LINGO2: variants seen among roughly 807,000 people sequenced by gnomAD.
The protein encoded by LINGO2 is leucine-rich repeat and immunoglobulin-like domain-containing nogo receptor-interacting protein 2.
In LINGO2, 14 loss-of-function variants were observed where a neutral mutation model predicts 30.6. The observed-to-expected ratio is 0.46, with a 90% CI of 0.30 to 0.72. The LOEUF (loss-of-function observed/expected upper bound fraction) is 0.72. Ranked by LOEUF, LINGO2 falls within the 30% of genes least tolerant of loss-of-function variation. The probability of loss-of-function intolerance (pLI) is 0.07; values close to 1 mark genes in which losing one functional copy is unlikely to be tolerated. For missense variants in LINGO2, 729 were observed against 751.7 expected (o/e 0.97, Z 0.35); for synonymous variants, 317 against 288.5 (o/e 1.10, Z -1.00).
chr9:28,027,225 C>T (rs1242425896), intron 4 of LINGO2, among the ~76,000 whole-genome samples: 7 of 152,116 alleles, frequency 4.6e-5, no homozygotes, highest in Non-Finnish European at 5.9e-5. Flanking sequence ...TTACACATAT[C>T]GATGTATTTA....
chr9:28,884,837 GTA>G, the LINGO2 span, among the ~76,000 whole-genome samples: 1 of 134,854 alleles, frequency 7.4e-6, no homozygotes. Flanking sequence ...TTTAGCAATT[GTA>G]TATATATACA....
At chr9:28,191,103 A>C (rs529083127) in intron 4 of LINGO2, among the ~76,000 whole-genome samples, 1 of 152,308 alleles carries the variant, frequency 6.6e-6, no homozygotes, top group Non-Finnish European at 1.5e-5. Context: ...CCAGTCCCAA[A>C]TCATATTTTC....
chr9:28,505,734 T>A (rs1029830617), intron 1 of LINGO2, among the ~76,000 whole-genome samples: 1 of 151,936 alleles, frequency 6.6e-6, no homozygotes, highest in Non-Finnish European at 1.5e-5. Context: ...TTGTAAACCC[T>A]AATTCCGAGG....
chr9:28,108,047 A>G (rs958627179), intron 4 of LINGO2, among the ~76,000 whole-genome samples: 4 of 152,150 alleles, frequency 2.6e-5, no homozygotes, highest in Non-Finnish European at 1.5e-5. Context: ...ATGCTCAGAC[A>G]CAAATGGAAG....
At chr9:28,103,923 G>C (rs1826491615) in intron 4 of LINGO2, among the ~76,000 whole-genome samples, 1 of 152,230 alleles carries the variant, frequency 6.6e-6, no homozygotes, top group Non-Finnish European at 1.5e-5. Flanking sequence ...CTGGAACTAT[G>C]TTGACTTATA....
chr9:28,924,913 C>A, the LINGO2 span, among the ~76,000 whole-genome samples: 552 of 152,226 alleles, frequency 3.6e-3, 2 homozygotes, highest in African/African-American at 0.013. Flanking sequence ...ATAAAGATAG[C>A]CACCCCTTCT....
chr9:28,436,953 G>A (rs1375679567), intron 2 of LINGO2, among the ~76,000 whole-genome samples: 1 of 152,128 alleles, frequency 6.6e-6, no homozygotes, highest in Non-Finnish European at 1.5e-5. Flanking sequence ...TTTTAATAAA[G>A]GAAAGGGGCC....
chr9:28,235,605 C>T lies in LINGO2; in HGVS notation c.-87+59603G>A, dbSNP rs559412645. ...AAAGAAATTCCAGATAACGCAGAGA[C>T]GAAATTCAGAATTCTACCAGATAAA... On this transcript the variant is annotated intron_variant, in intron 4 of 5. Coordinates refer to ENST00000379992, the Ensembl canonical transcript of LINGO2. Among the ~76,000 whole-genome samples the T allele has an allele frequency of 2.2e-4, 33 of 152,082 alleles. No homozygotes were observed. In the South Asian group the frequency reaches 3.9e-3, roughly 18 times the overall value.
At chr9:28,455,128 T>A (rs769044623) in intron 2 of LINGO2, among the ~76,000 whole-genome samples, 1 of 152,034 alleles carries the variant, frequency 6.6e-6, no homozygotes, top group Non-Finnish European at 1.5e-5. Context: ...GTTTGTCTTG[T>A]AGGAAAAATC....
At chr9:28,630,302 T>C (rs1025234755) in intron 1 of LINGO2, among the ~76,000 whole-genome samples, 1 of 152,124 alleles carries the variant, frequency 6.6e-6, no homozygotes, top group Non-Finnish European at 1.5e-5. Flanking sequence ...TTCAGGATTA[T>C]AGCATACGTT....
At chr9:28,487,861 T>C (rs905444278) in intron 1 of LINGO2, among the ~76,000 whole-genome samples, 3 of 152,176 alleles carry the variant, frequency 2.0e-5, no homozygotes, top group Non-Finnish European at 4.4e-5. Context: ...GCCAAGATGC[T>C]CTCAGTCAAC....
Position 28,396,533 on chromosome 9 carries a change from T to A in LINGO2, c.-278-23665A>T, listed in dbSNP as rs560406855. Among the ~76,000 whole-genome samples the A allele has an allele frequency of 2.0e-5, 3 of 151,338 alleles. No individual in the cohort carries two copies. In the South Asian group the frequency reaches 6.3e-4, roughly 32 times the overall value. On this transcript the variant is annotated intron_variant, in intron 2 of 5. Coordinates refer to ENST00000379992, the Ensembl canonical transcript of LINGO2. ...TCCAGGCTAACGTGGTGAAACCCCG[T>A]CTCTACTAAAAATACAAAAAATTAG... is the stretch of plus-strand genomic sequence containing the variant.
At chr9:28,494,970 G>T (rs1482726770) in intron 1 of LINGO2, among the ~76,000 whole-genome samples, 2 of 152,180 alleles carry the variant, frequency 1.3e-5, no homozygotes, top group Non-Finnish European at 2.9e-5. Flanking sequence ...GATGGCCAGT[G>T]ATGATGAGCA....
intron 1 of LINGO2, among the ~76,000 whole-genome samples, chr9:28,530,510 C>G (rs1036673779): frequency 6.6e-6 from 1 of 152,144 alleles, no homozygotes. Context: ...CGGCCCCATG[C>G]ACAGGTTGAC....
intron 4 of LINGO2, among the ~76,000 whole-genome samples, chr9:28,235,959 GA>G (rs1302311168): frequency 2.0e-5 from 3 of 152,048 alleles, no homozygotes; most frequent in African/African-American, 7.2e-5. Context: ...GGAAAGGTAA[GA>G]ACGTTCAAAT....
In LINGO2 at chr9:28,485,225, T is replaced by C. The variant is rs554850632; in HGVS notation, c.-364-9200A>G. Reference sequence around the variant, plus strand: ...TTCAATAAAAAGCTGAGAAAAGTGCTTCAGCAGTTCCTCCAGTCTTCCTAC... The same window carrying C: ...TTCAATAAAAAGCTGAGAAAAGTGCCTCAGCAGTTCCTCCAGTCTTCCTAC... On this transcript the variant is annotated intron_variant, in intron 1 of 5. Transcript: ENST00000379992. 2.6e-5 allele frequency among the ~76,000 whole-genome samples: 4 copies of C among 152,260 alleles called. No individual in the cohort carries two copies. The East Asian group carries it at 7.7e-4, about 29-fold the overall frequency.
At chr9:29,188,841 G>A in the LINGO2 span, among the ~76,000 whole-genome samples, 350 of 125,416 alleles carry the variant, frequency 2.8e-3, 19 homozygotes, top group African/African-American at 9.5e-3. Context: ...TGACCCCCCC[G>A]CCACCTTCCT....
chr9:28,504,297 T>C (rs10968625), intron 1 of LINGO2, among the ~76,000 whole-genome samples: 1 of 151,726 alleles, frequency 6.6e-6, no homozygotes, highest in Non-Finnish European at 1.5e-5. Context: ...TGTGCTAAAT[T>C]TTTTACCCTT....
At chr9:28,745,320 T>A in the LINGO2 span, among the ~76,000 whole-genome samples, 3 of 152,082 alleles carry the variant, frequency 2.0e-5, no homozygotes, top group Admixed American at 6.6e-5. Context: ...TTGGTATGCA[T>A]GTGGCTTGAA....
Sources: allele counts gnomAD v4.1 joint callset (sites outside exome capture counted in the v4.1 genomes callset), GRCh38; gene constraint gnomAD v4.1.1; transcripts MANE v1.5; gene names NCBI Gene and HGNC (gene_info 2026-07-23, HGNC 2026-07-21).